The following ANKRD44 variants were observed in gnomAD, a reference collection of about 807,000 sequenced individuals.
ANKRD44 encodes serine/threonine-protein phosphatase 6 regulatory ankyrin repeat subunit B.
In ANKRD44, 35 loss-of-function variants were observed where a neutral mutation model predicts 116.0. The ratio of observed to expected loss-of-function variants is 0.30; its 90% CI spans 0.23 to 0.40. ANKRD44 has a LOEUF of 0.40. Ranked by LOEUF, ANKRD44 falls within the 10% of genes least tolerant of loss-of-function variation. ANKRD44 has a pLI of 1.00. For synonymous variants in ANKRD44, 435 were observed against 461.8 expected, an observed-to-expected ratio of 0.94 and a Z score of 0.74; for missense variants, 1,014 against 1,242.6, an observed-to-expected ratio of 0.82 and a Z score of 2.77.
rs2075861724 is a variant in ANKRD44, at chr2:196,988,238, G to A, written c.*1353C>T. On this transcript the variant is annotated 3_prime_UTR_variant, in exon 28 of 28. Transcript: ENST00000282272. Reference sequence around the variant, plus strand: ...CCTGCTTGAAATGCCAACTGAGCAAGATTTCCATTCACTTCTAGAAAAAGA... The same window carrying A: ...CCTGCTTGAAATGCCAACTGAGCAAAATTTCCATTCACTTCTAGAAAAAGA... The A allele has an allele frequency of 2.0e-6, 2 of 985,438 alleles. No homozygotes were observed. Among genetic ancestry groups the A allele is most frequent in the Non-Finnish European group, 2.4e-6 (2 of 829,930 alleles). The allele number at this position is 985,438 out of a possible 1,614,324, so 61.0% of individuals were successfully genotyped here.
At chr2:197,206,717 C>T (rs1267423862) in intron 1 of ANKRD44, among the ~76,000 whole-genome samples, 1 of 151,974 alleles carries the variant, frequency 6.6e-6, no homozygotes, top group Non-Finnish European at 1.5e-5. Flanking sequence ...TCCTCCGTCT[C>T]AAAACAAACA....
At chr2:197,162,269 C>A (rs2079984461) in intron 2 of ANKRD44, among the ~76,000 whole-genome samples, 1 of 152,172 alleles carries the variant, frequency 6.6e-6, no homozygotes, top group Non-Finnish European at 1.5e-5. Flanking sequence ...CTCTTCCCAC[C>A]CTAAATGTGA....
chr2:197,239,815 A>G (rs1449868184), intron 1 of ANKRD44, among the ~76,000 whole-genome samples: 1 of 152,168 alleles, frequency 6.6e-6, no homozygotes, highest in East Asian at 1.9e-4. Context: ...GAGTTTCACT[A>G]TCTCAATGGA....
intron 2 of ANKRD44, among the ~76,000 whole-genome samples, chr2:197,184,596 C>A (rs1422310676): frequency 6.9e-6 from 1 of 145,298 alleles, no homozygotes; most frequent in Non-Finnish European, 1.5e-5. Context: ...GCCGAGATCA[C>A]GCCACTGCAC....
Position 196,989,136 on chromosome 2 carries a change from A to AC in ANKRD44, c.*454dup. 1 of 983,546 alleles carries AC rather than the reference A, an allele frequency of 1.0e-6. No homozygotes were observed. Among genetic ancestry groups the AC allele is most frequent in the Non-Finnish European group, 1.2e-6 (1 of 829,008 alleles). 60.9% of individuals were successfully genotyped at this position (983,546 alleles called of 1,614,324 possible). On this transcript the variant is annotated 3_prime_UTR_variant, in exon 28 of 28. Coordinates refer to ENST00000282272, the MANE Select transcript of ANKRD44 (RefSeq NM_001195144.2). Reference sequence around the variant, plus strand: ...CCCAGGGTCAAGTGTTTTTTTTTTCACTTTTTTTTTGTTATTCTAAATAAG... The same window carrying AC: ...CCCAGGGTCAAGTGTTTTTTTTTTCACCTTTTTTTTTGTTATTCTAAATAAG...
chr2:197,034,049 C>CCAGAGAGAGAGAGAGAGA (rs1491563139), intron 16 of ANKRD44, among the ~76,000 whole-genome samples: 4 of 13,246 alleles, frequency 3.0e-4, no homozygotes, highest in South Asian at 2.8e-3. Flanking sequence ...CATATGAGGG[C>CCAGAGAGAGAGAGAGAGA]TAGAGAGAGA....
chr2:197,167,792 A>G (rs78872459), intron 2 of ANKRD44, among the ~76,000 whole-genome samples: 6,510 of 152,326 alleles, frequency 0.043, 161 homozygotes, highest in Middle Eastern at 0.075. Context: ...TTCCAGCCAA[A>G]GTGATGATCT....
chr2:197,068,370 T>TA (rs1190741958), intron 16 of ANKRD44, among the ~76,000 whole-genome samples: 7 of 70,344 alleles, frequency 1.0e-4, no homozygotes, highest in South Asian at 4.6e-4. Flanking sequence ...ATAAAAAAAA[T>TA]AAAAAAAAGA....
At chr2:197,202,987 G>A (rs2081127828) in intron 1 of ANKRD44, among the ~76,000 whole-genome samples, 1 of 152,042 alleles carries the variant, frequency 6.6e-6, no homozygotes, top group African/African-American at 2.4e-5. Flanking sequence ...CAATAAGCCT[G>A]AGGTAGTGTT....
chr2:197,149,931 TAGTAA>T (rs543231778), intron 2 of ANKRD44, among the ~76,000 whole-genome samples: 403 of 152,318 alleles, frequency 2.6e-3, no homozygotes, highest in Non-Finnish European at 4.4e-3. Flanking sequence ...AAGAGAATAG[TAGTAA>T]TAATACTGGT....
At chr2:197,089,724 CA>C in intron 11 of ANKRD44, among the ~76,000 whole-genome samples, 1 of 152,300 alleles carries the variant, frequency 6.6e-6, no homozygotes, top group African/African-American at 2.4e-5. Flanking sequence ...ACTTGAAAAA[CA>C]GGCAAGACTC....
chr2:197,287,185 CA>C (rs953534945), intron 1 of ANKRD44, among the ~76,000 whole-genome samples: 1 of 151,996 alleles, frequency 6.6e-6, no homozygotes, highest in Non-Finnish European at 1.5e-5. Flanking sequence ...GTTGTGGGGA[CA>C]GGGGTATATG....
At chr2:197,176,812 C>T (rs905690756) in intron 2 of ANKRD44, among the ~76,000 whole-genome samples, 1 of 152,072 alleles carries the variant, frequency 6.6e-6, no homozygotes, top group Non-Finnish European at 1.5e-5. Context: ...ACCAGCTATG[C>T]AACCTCCTGG....
At chr2:197,224,354 A>G (rs1311064306) in intron 1 of ANKRD44, among the ~76,000 whole-genome samples, 2 of 152,234 alleles carry the variant, frequency 1.3e-5, no homozygotes, top group Non-Finnish European at 2.9e-5. Flanking sequence ...TTAATGATAC[A>G]GCATTTAAAA....
chr2:197,263,373 G>C (rs1401506810), intron 1 of ANKRD44: 3 of 624,796 alleles, frequency 4.8e-6, no homozygotes, highest in Non-Finnish European at 8.8e-6. Flanking sequence ...CGGGCTCTGG[G>C]GCTGGGATTG....
At chr2:197,065,353 A>G (rs2077408694) in intron 16 of ANKRD44, among the ~76,000 whole-genome samples, 1 of 152,246 alleles carries the variant, frequency 6.6e-6, no homozygotes, top group Non-Finnish European at 1.5e-5. Flanking sequence ...AGAAAGCAGG[A>G]AAGATCTAAA....
At chr2:196,986,157 T>C (rs572189511), downstream of ANKRD44, among the ~76,000 whole-genome samples, 18 of 152,346 alleles carry the variant, frequency 1.2e-4, no homozygotes, top group East Asian at 3.1e-3. Context: ...TTCTCTGTTC[T>C]CATTTTTCTA....
intron 2 of ANKRD44, among the ~76,000 whole-genome samples, chr2:197,173,120 CTG>C (rs1399665625): frequency 2.6e-5 from 4 of 152,168 alleles, no homozygotes; most frequent in African/African-American, 9.7e-5. Context: ...TAAAGTCTGA[CTG>C]TATCTTTAGA....
chr2:197,182,692 G>A (rs1401245145), intron 2 of ANKRD44, among the ~76,000 whole-genome samples: 3 of 152,136 alleles, frequency 2.0e-5, no homozygotes, highest in African/African-American at 7.2e-5. Context: ...TCCCTGAGTT[G>A]GGCCTGCAGA....
Sources: gnomAD v4.1 joint callset for allele counts (sites outside exome capture counted in the v4.1 genomes callset) on GRCh38, gnomAD v4.1.1 for gene constraint, MANE v1.5 for transcripts, NCBI Gene and HGNC (gene_info 2026-07-23, HGNC 2026-07-21) for gene names.